The following RARB variants were observed in gnomAD, a reference collection of about 807,000 sequenced individuals.
The protein encoded by RARB is HBV-activated protein.
A neutral mutation model predicts 51.9 loss-of-function variants in RARB; 17 were observed. That is an observed-to-expected ratio of 0.33 (90% CI 0.22 to 0.49). The LOEUF (loss-of-function observed/expected upper bound fraction) is 0.49. RARB is among the 20% of genes least tolerant of loss of function. The pLI is 0.99. For synonymous variants in RARB, 215 were observed against 195.4 expected (o/e 1.10, Z -0.84); for missense variants, 369 against 550.8 (o/e 0.67, Z 3.30).
intron 5 of RARB, among the ~76,000 whole-genome samples, chr3:25,229,351 G>C (rs1345048422): frequency 1.3e-5 from 2 of 151,668 alleles, no homozygotes; most frequent in Non-Finnish European, 2.9e-5. Flanking sequence ...CTTTCTGAAG[G>C]TATTCAAAAA....
At position 25,206,385 on chromosome 3, in the gene RARB, TA is replaced by T. The variant is rs543100723; in HGVS notation, c.178+31814del. 1.6e-3 allele frequency among the ~76,000 whole-genome samples: 249 copies of T among 152,370 alleles called. 1 individual carries two copies. Among genetic ancestry groups the T allele is most frequent in the African/African-American group, 5.8e-3 (243 of 41,594 alleles). On this transcript the variant is annotated intron_variant, in intron 5 of 11. Coordinates refer to the RARB transcript ENST00000383772. The stretch of plus-strand genomic sequence containing the variant: ...CACCTAAATTACTCAGGTGACATTT[TA>T]AAATTCCAGGGAAAAATGTGTAAAT...
At chr3:24,933,147 C>CT (rs201344538) in intron 2 of RARB, among the ~76,000 whole-genome samples, 1 of 152,058 alleles carries the variant, frequency 6.6e-6, no homozygotes, top group Non-Finnish European at 1.5e-5. Context: ...TAATATGAAT[C>CT]TTTTTAAAAA....
chr3:25,404,588 T>A (rs1296506485), intron 5 of RARB, among the ~76,000 whole-genome samples: 2 of 152,184 alleles, frequency 1.3e-5, no homozygotes, highest in Non-Finnish European at 2.9e-5. Context: ...TTTGAGTAGG[T>A]GCTCAAACAT....
chr3:25,001,584 A>G (rs988834752), intron 2 of RARB, among the ~76,000 whole-genome samples: 16 of 152,316 alleles, frequency 1.1e-4, no homozygotes, highest in African/African-American at 3.4e-4. Flanking sequence ...TTAAGCCAGA[A>G]GATCAGCTCT....
intron 5 of RARB, among the ~76,000 whole-genome samples, chr3:25,232,973 C>CTTTTTTTTTTTTTTT (rs71061205): frequency 8.4e-5 from 10 of 118,772 alleles, no homozygotes; most frequent in South Asian, 2.9e-4. Flanking sequence ...TTTTCTTTTT[C>CTTTTTTTTTTTTTTT]TTTTTTTTTT....
At chr3:24,866,336 C>A (rs1323481967) in intron 2 of RARB, among the ~76,000 whole-genome samples, 2 of 152,116 alleles carry the variant, frequency 1.3e-5, no homozygotes, top group Non-Finnish European at 2.9e-5. Flanking sequence ...ACTCTACTCT[C>A]AACTCCTCTT....
intron 5 of RARB, among the ~76,000 whole-genome samples, chr3:25,251,750 C>T (rs1702726743): frequency 1.3e-5 from 2 of 151,982 alleles, no homozygotes; most frequent in African/African-American, 2.4e-5. Flanking sequence ...TTTTATACAT[C>T]TTGAATGAAG....
At chr3:25,546,542 A>G (rs1699624410) in intron 3 of RARB, among the ~76,000 whole-genome samples, 1 of 152,318 alleles carries the variant, frequency 6.6e-6, no homozygotes, top group East Asian at 1.9e-4. Flanking sequence ...AATGGGGATC[A>G]GAATGTCAGC....
intron 2 of RARB, among the ~76,000 whole-genome samples, chr3:25,486,577 A>G (rs1696485031): frequency 6.6e-6 from 1 of 152,228 alleles, no homozygotes; most frequent in African/African-American, 2.4e-5. Context: ...AGCTAGAGTT[A>G]TGACAGGTCT....
At chr3:24,965,424 T>C (rs923496870) in intron 2 of RARB, among the ~76,000 whole-genome samples, 1 of 152,208 alleles carries the variant, frequency 6.6e-6, no homozygotes, top group Non-Finnish European at 1.5e-5. Context: ...AGGCTTTGTC[T>C]TCCAGCTTTA....
chr3:24,950,771 A>G (rs1695874061), intron 2 of RARB, among the ~76,000 whole-genome samples: 1 of 152,124 alleles, frequency 6.6e-6, no homozygotes, highest in Admixed American at 6.5e-5. Flanking sequence ...TAAATATTAT[A>G]TAAGAGCTTG....
At chr3:25,522,454 T>C (rs1698443895) in intron 3 of RARB, among the ~76,000 whole-genome samples, 1 of 152,150 alleles carries the variant, frequency 6.6e-6, no homozygotes, top group Non-Finnish European at 1.5e-5. Context: ...ACCCTCAACA[T>C]TGAAGTTTTC....
intron 5 of RARB, among the ~76,000 whole-genome samples, chr3:25,350,159 G>A (rs540147026): frequency 6.6e-5 from 10 of 152,248 alleles, no homozygotes; most frequent in African/African-American, 2.2e-4. Flanking sequence ...CATTCTGCTG[G>A]TTAAAATGAG....
intron 5 of RARB, among the ~76,000 whole-genome samples, chr3:25,185,057 C>A (rs1231429362): frequency 6.6e-6 from 1 of 152,174 alleles, no homozygotes; most frequent in South Asian, 2.1e-4. Flanking sequence ...AAAGGTCTTT[C>A]TACATGTGCA....
chr3:25,555,139 A>G (rs1700004988), intron 3 of RARB, among the ~76,000 whole-genome samples: 1 of 152,236 alleles, frequency 6.6e-6, no homozygotes, highest in Non-Finnish European at 1.5e-5. Context: ...TGAATGAATG[A>G]ATGAATGAGT....
At chr3:25,575,859 AACACCTAGTG>A (rs1181430256) in intron 4 of RARB, among the ~76,000 whole-genome samples, 2 of 152,184 alleles carry the variant, frequency 1.3e-5, no homozygotes, top group Non-Finnish European at 2.9e-5. Flanking sequence ...AACAAACAGT[AACACCTAGTG>A]AGTGCAGAAC....
At chr3:25,404,676 C>T (rs984227867) in intron 5 of RARB, among the ~76,000 whole-genome samples, 12 of 152,184 alleles carry the variant, frequency 7.9e-5, no homozygotes, top group African/African-American at 2.4e-4. Context: ...GGGAAGAAAA[C>T]GCCAACAAAT....
chr3:25,205,129 T>A (rs974774564), intron 5 of RARB, among the ~76,000 whole-genome samples: 1 of 151,672 alleles, frequency 6.6e-6, no homozygotes, highest in African/African-American at 2.4e-5. Context: ...CAATGGCGGG[T>A]GCCCCTCCCC....
chr3:25,597,624 G>GCTAATTAATA lies in RARB; in HGVS notation c.*1009_*1018dup, dbSNP rs981189487. The GCTAATTAATA allele has an allele frequency of 6.6e-6, 1 of 150,580 alleles. No individual in the cohort carries two copies. The allele number at this position is 150,580 out of a possible 1,614,324, so 9.3% of individuals were successfully genotyped here. ...TTTCCAGCCTTCTTGATGCCAAGGG[G>GCTAATTAATA]CTAATTAATATTAACAACTCCCAAA... On this transcript the variant is annotated 3_prime_UTR_variant, in exon 8 of 8. Transcript: ENST00000330688.
Sources: allele counts gnomAD v4.1 joint callset (sites outside exome capture counted in the v4.1 genomes callset), GRCh38; gene constraint gnomAD v4.1.1; transcripts MANE v1.5; gene names NCBI Gene and HGNC (gene_info 2026-07-23, HGNC 2026-07-21).